The following RGS3 variants were observed in gnomAD, a reference collection of about 807,000 sequenced individuals.
RGS3 encodes regulator of G protein signaling 3.
Under a neutral mutation model 132.6 loss-of-function variants are expected in RGS3, and 80 were observed. That is an observed-to-expected ratio of 0.60 (90% confidence interval 0.50 to 0.73). The LOEUF is 0.73. Among genes scored for constraint, RGS3 ranks in the 30% least tolerant of loss-of-function variants. The probability of loss-of-function intolerance (pLI) is 0.00; values close to 1 mark genes in which losing one functional copy is unlikely to be tolerated. For missense variants in RGS3, 1,382 were observed against 1,530.8 expected (o/e 0.90, Z 1.62); for synonymous variants, 598 against 620.6 (o/e 0.96, Z 0.54).
At chr9:113,514,816 AG>A (rs1278287936) in intron 15 of RGS3, among the ~76,000 whole-genome samples, 162 bp downstream of exon 13, 1 of 152,168 alleles carries the variant, frequency 6.6e-6, no homozygotes. Flanking sequence ...GCTTATACTG[AG>A]GGAGCAGAGA....
intron 1 of RGS3, among the ~76,000 whole-genome samples, chr9:113,460,820 G>A (rs752429869): frequency 1.3e-5 from 2 of 152,118 alleles, no homozygotes; most frequent in African/African-American, 4.8e-5. Flanking sequence ...TTGTGAAAAT[G>A]CACCCAAATA....
At chr9:113,483,551 G>T (rs938835150) in intron 5 of RGS3, among the ~76,000 whole-genome samples, 1 of 152,216 alleles carries the variant, frequency 6.6e-6, no homozygotes, top group Non-Finnish European at 1.5e-5. Flanking sequence ...TAAAGACAGG[G>T]TCCTTATAGG....
intron 19 of RGS3, among the ~76,000 whole-genome samples, chr9:113,560,301 C>T (rs1472626193): frequency 3.9e-5 from 6 of 152,202 alleles, no homozygotes; most frequent in African/African-American, 1.4e-4. Context: ...CCACAAACCA[C>T]AGCTCCCTGT....
At chr9:113,586,156 C>T (rs1394928285) in intron 20 of RGS3, among the ~76,000 whole-genome samples, 1 of 152,184 alleles carries the variant, frequency 6.6e-6, no homozygotes, top group Admixed American at 6.5e-5. Flanking sequence ...TTGATGGTTT[C>T]TACAGGAGAG....
chr9:113,583,619 C>T (rs956555033), exon 20 of RGS3: 2 of 1,614,182 alleles, frequency 1.2e-6, no homozygotes, highest in Non-Finnish European at 1.7e-6. Context: ...GAACCCGCTC[C>T]CAGCCAAGAA....
intron 3 of RGS3, among the ~76,000 whole-genome samples, chr9:113,476,673 A>G (rs1423539748): frequency 6.6e-6 from 1 of 152,236 alleles, no homozygotes; most frequent in Non-Finnish European, 1.5e-5. Context: ...GTCAGCCTCC[A>G]GCTTCTCACT....
intron 19 of RGS3, among the ~76,000 whole-genome samples, chr9:113,551,395 A>G (rs932419870): frequency 1.3e-5 from 2 of 152,216 alleles, no homozygotes; most frequent in African/African-American, 4.8e-5. Flanking sequence ...TGGGTTGTTT[A>G]CACCTTTTGG....
chr9:113,594,869 G>A (rs747405016), intron 22 of RGS3, 50 bp from the exon 21 acceptor site: 4 of 1,575,410 alleles, frequency 2.5e-6, no homozygotes, highest in Middle Eastern at 1.7e-4. Flanking sequence ...TTCCCCCAAG[G>A]TTCCCAAGCC....
At chr9:113,479,830 G>A (rs1830105008) in intron 4 of RGS3, among the ~76,000 whole-genome samples, 1 of 152,148 alleles carries the variant, frequency 6.6e-6, no homozygotes, top group African/African-American at 2.4e-5. Context: ...GCAGAGCAGG[G>A]CCACAGAAGA....
chr9:113,469,079 G>A (rs1478533595), intron 3 of RGS3, among the ~76,000 whole-genome samples: 1 of 120,780 alleles, frequency 8.3e-6, no homozygotes, highest in Non-Finnish European at 1.6e-5. Flanking sequence ...CATGTTTGTT[G>A]TGTTGGTACA....
chr9:113,500,231 C>G (rs1830828215), intron 10 of RGS3, among the ~76,000 whole-genome samples: 1 of 152,174 alleles, frequency 6.6e-6, no homozygotes, highest in Non-Finnish European at 1.5e-5. Context: ...TTGGTTGGGG[C>G]CGGGGGAGAG....
intron 17 of RGS3, among the ~76,000 whole-genome samples, chr9:113,526,498 G>A (rs1184203794): frequency 2.0e-5 from 3 of 152,162 alleles, no homozygotes; most frequent in Non-Finnish European, 2.9e-5. Context: ...TTCAAAGCTC[G>A]GCTTTGCCAC....
intron 19 of RGS3, among the ~76,000 whole-genome samples, chr9:113,560,244 A>G (rs1251735951): frequency 6.6e-6 from 1 of 152,122 alleles, no homozygotes; most frequent in Non-Finnish European, 1.5e-5. Flanking sequence ...TTAGAGATGG[A>G]GGACTGAGAT....
intron 7 of RGS3, among the ~76,000 whole-genome samples, chr9:113,492,261 A>G (rs1478485207): frequency 1.3e-5 from 2 of 152,292 alleles, no homozygotes; most frequent in East Asian, 1.9e-4. Context: ...GCATGAAGTT[A>G]CTTCAAAGCC....
intron 7 of RGS3, among the ~76,000 whole-genome samples, chr9:113,492,174 A>G (rs1331655817): frequency 6.6e-6 from 1 of 152,212 alleles, no homozygotes; most frequent in Non-Finnish European, 1.5e-5. Context: ...CTCAAAAAAT[A>G]ATCTATTTTT....
At chr9:113,505,397 A>G (rs1430372900) in intron 10 of RGS3, 45 bp from the exon 9 acceptor site, 3 of 1,576,522 alleles carry the variant, frequency 1.9e-6, no homozygotes, top group African/African-American at 2.7e-5. Flanking sequence ...GGTAGAGGCA[A>G]GAGCCTCCAG....
chr9:113,577,747 C>A (rs376715527), intron 19 of RGS3, among the ~76,000 whole-genome samples: 1 of 152,202 alleles, frequency 6.6e-6, no homozygotes, highest in African/African-American at 2.4e-5. Context: ...GAGCAGATTT[C>A]GGTCTCCAGC....
upstream of RGS3, among the ~76,000 whole-genome samples, chr9:113,458,086 A>G (rs1438494389): frequency 6.6e-6 from 1 of 152,236 alleles, no homozygotes. Flanking sequence ...CAGTGTATGC[A>G]TGATCGAGTC....
chr9:113,497,868 G>T (rs1206626747), intron 9 of RGS3, among the ~76,000 whole-genome samples, 157 bp from the exon 8 acceptor site: 3 of 152,122 alleles, frequency 2.0e-5, no homozygotes, highest in African/African-American at 7.2e-5. Flanking sequence ...CTGAGTCCCT[G>T]TCTGGATTGA....
Sources: gnomAD v4.1 joint callset for allele counts (sites outside exome capture counted in the v4.1 genomes callset) on GRCh38, gnomAD v4.1.1 for gene constraint, MANE v1.5 for transcripts, NCBI Gene and HGNC (gene_info 2026-07-23, HGNC 2026-07-21) for gene names.